Variants in SLC19A1 observed in about 807,000 individuals in gnomAD.
The protein encoded by SLC19A1 is solute carrier family 19 member 1.
SLC19A1 carries 37 observed loss-of-function variants against 35.3 expected under a neutral mutation model. The observed-to-expected ratio is 1.05, with a 90% CI of 0.81 to 1.38. The LOEUF (loss-of-function observed/expected upper bound fraction) is 1.38. Among genes scored for constraint, SLC19A1 ranks in the 40% most tolerant of loss-of-function variants. The pLI, the probability that SLC19A1 is intolerant of heterozygous loss-of-function variation, is 0.00. For synonymous variants in SLC19A1, 460 were observed against 398.5 expected, an observed-to-expected ratio of 1.15 and a Z score of -1.84; for missense variants, 831 against 826.9, an observed-to-expected ratio of 1.00 and a Z score of -0.06.
intron 1 of SLC19A1, among the ~76,000 whole-genome samples, chr21:45,552,661 G>A (rs1318009444): frequency 1.4e-5 from 2 of 139,624 alleles, no homozygotes; most frequent in African/African-American, 5.4e-5. Flanking sequence ...CAGCAGAGAG[G>A]GGCTGGTCTC....
chr21:45,511,174 G>T, downstream of SLC19A1: 1 of 1,600,944 alleles, frequency 6.2e-7, no homozygotes, highest in Non-Finnish European at 8.5e-7. Context: ...GCTGAAGCCC[G>T]GGGCACGCAT....
chr21:45,504,789 GC>G (rs2146077633), intron 3 of SLC19A1, among the ~76,000 whole-genome samples: 1 of 152,240 alleles, frequency 6.6e-6, no homozygotes, highest in East Asian at 1.9e-4. Flanking sequence ...CTGCCCTCCT[GC>G]TGGGGCCACG....
chr21:45,555,140 G>A (rs1338605629), intron 1 of SLC19A1, among the ~76,000 whole-genome samples: 1 of 132,956 alleles, frequency 7.5e-6, no homozygotes, highest in Non-Finnish European at 1.6e-5. Flanking sequence ...TCGCGACGCA[G>A]GGGGCGGTGC....
chr21:45,504,342 C>T, intron 3 of SLC19A1: 1 of 1,493,600 alleles, frequency 6.7e-7, no homozygotes. Context: ...CCAGCCCTGG[C>T]TCGGGGGGAT....
intron 1 of SLC19A1, among the ~76,000 whole-genome samples, chr21:45,562,293 C>A (rs1236095836): frequency 1.3e-5 from 2 of 152,194 alleles, no homozygotes; most frequent in Admixed American, 1.3e-4. Context: ...GTGCATCACA[C>A]TGACACGACA....
chr21:45,559,699 C>A (rs956254852), intron 1 of SLC19A1, among the ~76,000 whole-genome samples: 19 of 152,116 alleles, frequency 1.2e-4, no homozygotes, highest in South Asian at 8.3e-4. Flanking sequence ...GGAGGTGGTT[C>A]CACATCAGCA....
Position 45,531,605 on chromosome 21 carries a change from C to A in SLC19A1, c.733G>T (p.Ala245Ser), listed in dbSNP as rs1307518363. ...GGKLGHALRVACGDSVLARML... is the reference protein window; with the variant it reads ...GGKLGHALRVSCGDSVLARML... ...CGCGCCAGCACTGAGTCCCCACAGG[C>A]CACCCGCAGGGCGTGTCCCAGCTTC... The change falls in exon 3 of 6, where the codon GCC becomes TCC. Residue 245 changes from alanine to serine, a missense_variant. By Grantham distance (99) the Ala-to-Ser change is moderately conservative. Transcript: ENST00000311124. 6.2e-7 allele frequency: 1 copy of A among 1,612,092 alleles called. No homozygotes were observed. The highest frequency in any genetic ancestry group is 2.2e-5 in the East Asian group (1 of 44,880).
At position 45,531,509 on chromosome 21, in the gene SLC19A1, TGAA is replaced by T; in HGVS notation, c.826_828del (p.Phe276del). The T allele has an allele frequency of 6.2e-7, 1 of 1,612,612 alleles. No homozygotes were observed. The highest frequency in any genetic ancestry group is 8.5e-7 in the Non-Finnish European group (1 of 1,179,730). ...ACCACCAGGTAGTAGCCGGCCGAGT[TGAA>T]GACCCACCAGAGGGACCACAGGCGC... On this transcript the variant is annotated inframe_deletion, in exon 3 of 6. Coordinates refer to ENST00000311124, the MANE Select transcript of SLC19A1 (RefSeq NM_194255.4).
chr21:45,512,378 T>C (rs750751065), downstream of SLC19A1: 3 of 1,612,646 alleles, frequency 1.9e-6, no homozygotes, highest in Non-Finnish European at 1.7e-6. Context: ...TGAGAACAGC[T>C]TCATGACTGC....
chr21:45,518,858 C>CA (rs760540111), intron 5 of SLC19A1, among the ~76,000 whole-genome samples: 37 of 151,822 alleles, frequency 2.4e-4, no homozygotes, highest in Admixed American at 1.5e-3. Context: ...AAAATAATGG[C>CA]AAAAAACAAA....
In SLC19A1 at chr21:45,537,900, G is replaced by T. The variant is rs753410664; in HGVS notation, c.60C>A (p.Pro20=). The T allele has an allele frequency of 6.3e-7, 1 of 1,597,432 alleles. No homozygotes were observed. ...CGAGGTGCCGCCAGGACCGGAGCTC[G>T]GGGTCAGGCCCAGGTTCCACGGGCA... ...KQVPVEPGPD[P]ELRSWRHLVC... The change falls in exon 2 of 6, where the codon CCC becomes CCA. Residue 20 remains proline (P), a synonymous_variant. Coordinates refer to ENST00000311124, the MANE Select transcript of SLC19A1 (RefSeq NM_194255.4).
Position 45,534,621 on chromosome 21 carries a change from T to A in SLC19A1, c.190-2473A>T. 6.5e-7 allele frequency: 1 copy of A among 1,535,370 alleles called. No homozygotes were observed. The highest frequency in any genetic ancestry group is 8.7e-7 in the Non-Finnish European group (1 of 1,146,676). On this transcript the variant is annotated intron_variant, in intron 2 of 5. Coordinates refer to ENST00000311124, the MANE Select transcript of SLC19A1 (RefSeq NM_194255.4). This position sits in a 1 kb window ranked among gnomAD's most constrained non-coding sequence, Gnocchi z 4.2. Reference sequence around the variant, plus strand: ...TGGGGCCTCATCAGGCACCTCCTGGTCTTAGTTGAGGGTCTGAGCGCAGAG... The same window carrying A: ...TGGGGCCTCATCAGGCACCTCCTGGACTTAGTTGAGGGTCTGAGCGCAGAG...
chr21:45,556,771 T>C (rs1242035826), intron 1 of SLC19A1, among the ~76,000 whole-genome samples: 1 of 151,904 alleles, frequency 6.6e-6, no homozygotes, highest in African/African-American at 2.4e-5. Flanking sequence ...AAATGTTCTC[T>C]CACGTCCTCT....
chr21:45,510,105 G>T (rs373470254), downstream of SLC19A1: 21 of 1,593,276 alleles, frequency 1.3e-5, no homozygotes, highest in African/African-American at 2.6e-4. Context: ...CAGGCGGCAT[G>T]CGGGGCATCC....
downstream of SLC19A1, chr21:45,509,317 G>T (rs1370240650): frequency 1.3e-6 from 2 of 1,537,312 alleles, no homozygotes; most frequent in Admixed American, 2.0e-5. Context: ...GCACCCGGAG[G>T]GTCCCCCCGC....
chr21:45,518,763 C>T (rs1408942059), intron 5 of SLC19A1, among the ~76,000 whole-genome samples: 2 of 151,972 alleles, frequency 1.3e-5, no homozygotes, highest in African/African-American at 4.8e-5. Context: ...CCAGTGAAAA[C>T]ATCCTTTGAG....
upstream of SLC19A1, among the ~76,000 whole-genome samples, chr21:45,546,951 T>C (rs1341530766): frequency 1.3e-5 from 2 of 152,082 alleles, no homozygotes; most frequent in East Asian, 3.9e-4. Context: ...AGCGGCAGAG[T>C]CTCTGTTCAC....
chr21:45,556,033 G>A (rs2078557922), intron 1 of SLC19A1, among the ~76,000 whole-genome samples: 1 of 152,184 alleles, frequency 6.6e-6, no homozygotes, highest in African/African-American at 2.4e-5. Flanking sequence ...TCTGAAGGTC[G>A]GAGGTCACAG....
rs117302755 is a variant in SLC19A1, at chr21:45,526,181, G to A, written c.1152-223C>T. On this transcript the variant is annotated intron_variant, in intron 4 of 5. Transcript: ENST00000311124. ...CCACCCTCGAGGGGCCATTCTGGGA[G>A]CTGCCGTGTCCCCCTGGCTCAGTAC... Among the ~76,000 whole-genome samples the A allele has an allele frequency of 4.6e-3, 705 of 152,344 alleles. 9 individuals are homozygous for A. In the East Asian group the frequency reaches 0.047, roughly 10 times the overall value.
Sources: allele counts gnomAD v4.1 joint callset (sites outside exome capture counted in the v4.1 genomes callset), GRCh38; gene constraint gnomAD v4.1.1; non-coding constraint Gnocchi (gnomAD v3.1); transcripts MANE v1.5; gene names NCBI Gene and HGNC (gene_info 2026-07-23, HGNC 2026-07-21).